NALCN: variants seen among roughly 807,000 people sequenced by gnomAD.
NALCN encodes sodium leak channel NALCN.
A neutral mutation model predicts 225.3 loss-of-function variants in NALCN; 111 were observed. That is an observed-to-expected ratio of 0.49 (90% CI 0.42 to 0.58). The LOEUF (loss-of-function observed/expected upper bound fraction) is 0.58, where lower values mean the gene tolerates loss of function less well. NALCN is among the 20% of genes least tolerant of loss of function. The probability of loss-of-function intolerance (pLI) is 0.00; values close to 1 mark genes in which losing one functional copy is unlikely to be tolerated. For synonymous variants in NALCN, 764 were observed against 769.0 expected, an observed-to-expected ratio of 0.99 and a Z score of 0.11; for missense variants, 1,378 against 2,202.4, an observed-to-expected ratio of 0.63 and a Z score of 7.49.
chr13:101,198,011 C>T (rs2039959439), intron 13 of NALCN, among the ~76,000 whole-genome samples: 1 of 152,152 alleles, frequency 6.6e-6, no homozygotes, highest in African/African-American at 2.4e-5. Context: ...AAATAATGAG[C>T]TGAGTTCAGT....
At chr13:101,306,164 C>T (rs2044147723) in intron 7 of NALCN, among the ~76,000 whole-genome samples, 1 of 152,164 alleles carries the variant, frequency 6.6e-6, no homozygotes, top group Non-Finnish European at 1.5e-5. Context: ...CCCACACCAG[C>T]TGCCAGAGCT....
chr13:101,352,026 C>G (rs186949189), intron 6 of NALCN, among the ~76,000 whole-genome samples: 2 of 152,198 alleles, frequency 1.3e-5, no homozygotes, highest in Admixed American at 1.3e-4. Context: ...GAAAAATTTT[C>G]CTGTATTCGT....
chr13:101,165,257 G>A (rs538605293), intron 15 of NALCN, among the ~76,000 whole-genome samples: 3 of 152,256 alleles, frequency 2.0e-5, no homozygotes, highest in South Asian at 4.2e-4. Context: ...AGTATGAGGC[G>A]TTTGAGGAAA....
chr13:101,225,853 G>A (rs1179875544), intron 13 of NALCN, among the ~76,000 whole-genome samples: 2 of 152,060 alleles, frequency 1.3e-5, no homozygotes, highest in East Asian at 3.9e-4. Context: ...AATATGCCTA[G>A]GACTAATGTG....
intron 15 of NALCN, among the ~76,000 whole-genome samples, chr13:101,161,717 T>A (rs1380931889): frequency 2.6e-5 from 4 of 151,950 alleles, no homozygotes; most frequent in Non-Finnish European, 5.9e-5. Context: ...TCTAAAAATA[T>A]AAAAATTAGC....
intron 3 of NALCN, among the ~76,000 whole-genome samples, chr13:101,385,825 A>T (rs955237674): frequency 6.6e-6 from 1 of 152,100 alleles, no homozygotes; most frequent in Non-Finnish European, 1.5e-5. Flanking sequence ...AACACACCCT[A>T]CCCTGCTCCA....
intron 11 of NALCN, among the ~76,000 whole-genome samples, chr13:101,253,462 T>C (rs946258962): frequency 6.6e-6 from 1 of 152,190 alleles, no homozygotes; most frequent in Non-Finnish European, 1.5e-5. Context: ...CATAATGCTA[T>C]TGCCTTACAT....
intron 10 of NALCN, among the ~76,000 whole-genome samples, chr13:101,273,517 A>G (rs1297528608): frequency 6.6e-6 from 1 of 152,220 alleles, no homozygotes; most frequent in East Asian, 1.9e-4. Flanking sequence ...ACATGTGTCA[A>G]GCATTTAATA....
At chr13:101,401,923 T>C (rs566969869) in intron 1 of NALCN, among the ~76,000 whole-genome samples, 1 of 152,298 alleles carries the variant, frequency 6.6e-6, no homozygotes, top group South Asian at 2.1e-4. Flanking sequence ...TACAAACACA[T>C]GAGGAATTCA....
At chr13:101,147,082 C>T (rs1424455697) in intron 15 of NALCN, among the ~76,000 whole-genome samples, 2 of 152,130 alleles carry the variant, frequency 1.3e-5, no homozygotes, top group South Asian at 2.1e-4. Flanking sequence ...TTCAAACAGA[C>T]ACAAGGGCAA....
intron 15 of NALCN, among the ~76,000 whole-genome samples, chr13:101,175,477 G>C (rs9518332): frequency 0.25 from 37,739 of 152,080 alleles, 5,412 homozygotes; most frequent in Non-Finnish European, 0.33. Flanking sequence ...CAGAGCCATG[G>C]TTCTGTTAAC....
chr13:101,262,463 AAAC>A (rs1352991216), intron 10 of NALCN, among the ~76,000 whole-genome samples: 1 of 152,166 alleles, frequency 6.6e-6, no homozygotes, highest in Middle Eastern at 3.2e-3. Flanking sequence ...AACTGAGCAC[AAAC>A]AACACACCAC....
intron 14 of NALCN, chr13:101,180,875 C>T (rs1308569017): frequency 2.8e-6 from 1 of 357,742 alleles, no homozygotes; most frequent in Non-Finnish European, 5.5e-6. Context: ...CTCTCTCATG[C>T]TCCATCCCAG....
At chr13:101,388,899 A>G (rs941182262) in intron 3 of NALCN, among the ~76,000 whole-genome samples, 5 of 152,240 alleles carry the variant, frequency 3.3e-5, no homozygotes, top group South Asian at 2.1e-4. Context: ...CATGGCCCCA[A>G]TAACCACTAC....
chr13:101,389,136 T>C (rs538145313), intron 3 of NALCN, among the ~76,000 whole-genome samples: 28 of 152,318 alleles, frequency 1.8e-4, no homozygotes, highest in South Asian at 1.7e-3. Flanking sequence ...CCTAGCCACA[T>C]TGTGGAAGAT....
chr13:101,295,348 G>C (rs1327250961), intron 7 of NALCN, among the ~76,000 whole-genome samples: 1 of 152,008 alleles, frequency 6.6e-6, no homozygotes, highest in African/African-American at 2.4e-5. Flanking sequence ...CCAAACAGTG[G>C]CTACAGAAAT....
At chr13:101,351,563 C>G (rs1035926843) in intron 6 of NALCN, among the ~76,000 whole-genome samples, 1 of 152,132 alleles carries the variant, frequency 6.6e-6, no homozygotes, top group Non-Finnish European at 1.5e-5. Context: ...GTGCAGAGCA[C>G]TGAGCTGTAT....
chr13:101,369,808 A>T (rs1475794317), intron 6 of NALCN, among the ~76,000 whole-genome samples: 1 of 152,048 alleles, frequency 6.6e-6, no homozygotes, highest in Non-Finnish European at 1.5e-5. Context: ...AATAAATCCA[A>T]CTACCTACAG....
chr13:101,282,279 A>T (rs1178368433), intron 10 of NALCN, among the ~76,000 whole-genome samples: 2 of 152,202 alleles, frequency 1.3e-5, no homozygotes, highest in Admixed American at 1.3e-4. Flanking sequence ...GGATGAATGG[A>T]TAAAAAAAAT....
Sources: gnomAD v4.1 joint callset for allele counts (sites outside exome capture counted in the v4.1 genomes callset) on GRCh38, gnomAD v4.1.1 for gene constraint, MANE v1.5 for transcripts, NCBI Gene and HGNC (gene_info 2026-07-23, HGNC 2026-07-21) for gene names.